The following RYR1 variants were observed in gnomAD, a reference collection of about 807,000 sequenced individuals.
The protein encoded by RYR1 is ryanodine receptor 1, also known as central core disease of muscle.
RYR1 carries 342 observed loss-of-function variants against 583.5 expected under a neutral mutation model. The ratio of observed to expected loss-of-function variants is 0.59; its 90% CI spans 0.54 to 0.64. The LOEUF (loss-of-function observed/expected upper bound fraction) is 0.64. Among genes scored for constraint, RYR1 ranks in the 30% least tolerant of loss-of-function variants. The probability of loss-of-function intolerance (pLI) is 0.00; values close to 1 mark genes in which losing one functional copy is unlikely to be tolerated. For synonymous variants in RYR1, 2,791 were observed against 2,822.5 expected (o/e 0.99, Z 0.35); for missense variants, 6,032 against 6,917.2 (o/e 0.87, Z 4.54).
In RYR1 at chr19:38,445,519, G is replaced by A. The variant is rs138880153; in HGVS notation, c.631+842G>A. Among the ~76,000 whole-genome samples, 238 of 152,046 alleles carry A rather than the reference G, an allele frequency of 1.6e-3. 2 individuals carry two copies. Among genetic ancestry groups the A allele is most frequent in the Admixed American group, 1.4e-3 (22 of 15,236 alleles). On this transcript the variant is annotated intron_variant, in intron 7 of 105. Transcript: ENST00000359596. ...AGAGTCCTAAACCAGACCCACGCTGGGACTCAAACCACAGATGGTTTTTGA... is the reference window on the plus strand; with the variant it reads ...AGAGTCCTAAACCAGACCCACGCTGAGACTCAAACCACAGATGGTTTTTGA...
intron 31 of RYR1, among the ~76,000 whole-genome samples, chr19:38,482,622 TTA>T (rs973623244): frequency 4.6e-5 from 7 of 152,136 alleles, no homozygotes; most frequent in African/African-American, 1.4e-4. Context: ...CGCTAATTTT[TTA>T]TGTTTTGTAG....
chr19:38,575,039 CA>C (rs35261562), intron 96 of RYR1, among the ~76,000 whole-genome samples: 32,884 of 90,334 alleles, frequency 0.36, 3,627 homozygotes, highest in South Asian at 0.51. Flanking sequence ...GACTCCGTCT[CA>C]AAAAAAAAAA....
intron 83 of RYR1, 99 bp downstream of exon 83, chr19:38,536,866 G>A: frequency 2.3e-6 from 3 of 1,306,838 alleles, no homozygotes; most frequent in Non-Finnish European, 3.3e-6. Flanking sequence ...GGGACGTGGA[G>A]GGGAGGGAGG....
chr19:38,578,963 A>G (rs1175072946), intron 99 of RYR1, among the ~76,000 whole-genome samples: 1 of 151,976 alleles, frequency 6.6e-6, no homozygotes, highest in Non-Finnish European at 1.5e-5. Context: ...TCTACAAACA[A>G]TACAAAAATT....
chr19:38,502,715 T>C lies in RYR1; in HGVS notation c.7823T>C (p.Met2608Thr), dbSNP rs1383973780. 2.7e-6 allele frequency: 4 copies of C among 1,505,344 alleles called. No individual in the cohort carries two copies. The highest frequency in any genetic ancestry group is 2.2e-5 in the South Asian group (2 of 89,406). The allele number at this position is 1,505,344 out of a possible 1,614,324, so 93.2% of individuals were successfully genotyped here. Residue 2608 changes from methionine to threonine, a missense_variant, in exon 48 of 106, where the codon ATG becomes ACG. By Grantham distance (81) the Met-to-Thr change is moderately conservative. Transcript: ENST00000359596. ...AQRDVIEDCL[M>T]SLCRYIRPSM... ...CGTGACGTCATCGAGGACTGCCTCATGTCGCTCTGCAGGTGGAGCGGGGCA... is the reference window on the plus strand; with the variant it reads ...CGTGACGTCATCGAGGACTGCCTCACGTCGCTCTGCAGGTGGAGCGGGGCA...
intron 99 of RYR1, among the ~76,000 whole-genome samples, chr19:38,578,636 A>C (rs1974064173): frequency 6.6e-6 from 1 of 152,064 alleles, no homozygotes; most frequent in South Asian, 2.1e-4. Flanking sequence ...AGTTCAAGAC[A>C]AACCTGGCAC....
chr19:38,460,327 T>A, intron 19 of RYR1, 48 bp from the exon 20 acceptor site: 2 of 1,538,764 alleles, frequency 1.3e-6, no homozygotes, highest in African/African-American at 2.7e-5. Context: ...CCACAGACTG[T>A]CCCCCATAAC....
At chr19:38,440,204 A>T (rs1195877777) in intron 1 of RYR1, among the ~76,000 whole-genome samples, 1 of 152,194 alleles carries the variant, frequency 6.6e-6, no homozygotes, top group Non-Finnish European at 1.5e-5. Context: ...AGGCAACAGG[A>T]TTGCTTGAGT....
chr19:38,457,494 T>G lies in RYR1; in HGVS notation c.1792-3T>G, dbSNP rs1436410184. 1 of 1,614,134 alleles carries G rather than the reference T, an allele frequency of 6.2e-7. No homozygotes were observed. Among genetic ancestry groups the G allele is most frequent in the Non-Finnish European group, 8.5e-7 (1 of 1,179,994 alleles). On this transcript the variant is annotated splice_region_variant and splice_polypyrimidine_tract_variant and intron_variant, in intron 16 of 105. Coordinates refer to ENST00000359596, the MANE Select transcript of RYR1 (RefSeq NM_000540.3). ...CCCTTTAACCTCTGACCTTGACCTCTAGGTCCTGGACGTGCTATGCTCCCT... is the reference window on the plus strand; with the variant it reads ...CCCTTTAACCTCTGACCTTGACCTCGAGGTCCTGGACGTGCTATGCTCCCT...
Position 38,502,843 on chromosome 19 carries a change from G to C in RYR1, c.7836-37G>C, listed in dbSNP as rs577544800. 2.1e-4 allele frequency: 328 copies of C among 1,597,946 alleles called. 1 individual carries two copies. In the South Asian group the frequency reaches 3.5e-3, roughly 17 times the overall value. ...GGGGCAGGGGCAGCAGAGCGGGCCTGGACGGGGGATTCTACATCTTGTGCA... is the reference window on the plus strand; with the variant it reads ...GGGGCAGGGGCAGCAGAGCGGGCCTCGACGGGGGATTCTACATCTTGTGCA... On this transcript the variant is annotated intron_variant, in intron 48 of 105. Coordinates refer to ENST00000359596, the MANE Select transcript of RYR1 (RefSeq NM_000540.3).
intron 25 of RYR1, among the ~76,000 whole-genome samples, chr19:38,468,246 C>A (rs1968231207): frequency 6.6e-6 from 1 of 151,954 alleles, no homozygotes; most frequent in African/African-American, 2.4e-5. Flanking sequence ...CATCATCTAT[C>A]CATCTGACCA....
At chr19:38,530,983 TTC>T (rs779633741) in intron 76 of RYR1, among the ~76,000 whole-genome samples, 2 of 141,214 alleles carry the variant, frequency 1.4e-5, no homozygotes, top group African/African-American at 5.4e-5. Flanking sequence ...TCTTTTTTCT[TTC>T]TCTTTTTTTT....
At chr19:38,482,968 G>C in intron 31 of RYR1, 59 bp from the exon 32 acceptor site, 1 of 1,460,128 alleles carries the variant, frequency 6.8e-7, no homozygotes, top group Non-Finnish European at 9.6e-7. Context: ...TTGAGGTCCA[G>C]AGTCAACCCT....
chr19:38,587,161 GAGGTGGAGAAT>G (rs1974530688), intron 105 of RYR1, among the ~76,000 whole-genome samples, 153 bp from the exon 106 acceptor site: 1 of 152,036 alleles, frequency 6.6e-6, no homozygotes, highest in Non-Finnish European at 1.5e-5. Flanking sequence ...TCTGGAGACT[GAGGTGGAGAAT>G]CGCTTGAGCC....
intron 105 of RYR1, among the ~76,000 whole-genome samples, chr19:38,587,037 A>G (rs890113723): frequency 5.9e-5 from 9 of 152,124 alleles, no homozygotes; most frequent in Non-Finnish European, 1.2e-4. Flanking sequence ...GGGAGGCCAC[A>G]GCGGGAGAAT....
At chr19:38,545,135 C>T (rs1392202482) in intron 87 of RYR1, among the ~76,000 whole-genome samples, 1 of 152,052 alleles carries the variant, frequency 6.6e-6, no homozygotes, top group Non-Finnish European at 1.5e-5. Flanking sequence ...CCTCCCTGAA[C>T]CAATCATCAT....
chr19:38,549,038 T>C (rs1568563737), intron 89 of RYR1, among the ~76,000 whole-genome samples: 1 of 152,198 alleles, frequency 6.6e-6, no homozygotes, highest in Non-Finnish European at 1.5e-5. Flanking sequence ...GTAGGGCCTG[T>C]AGTGACACTA....
In RYR1 at chr19:38,587,442, A is replaced by AC. The variant is rs764951357; in HGVS notation, c.*27dup. The AC allele has an allele frequency of 6.3e-7, 1 of 1,577,494 alleles. No homozygotes were observed. The highest frequency in any genetic ancestry group is 8.7e-7 in the Non-Finnish European group (1 of 1,147,650). On this transcript the variant is annotated 3_prime_UTR_variant, in exon 106 of 106. Transcript: ENST00000359596. ...CTGACACACCCCCAGCTGGCCCTCC[A>AC]CCCCCACCTCAAGTGCCTTATTCTC...
At chr19:38,521,801 G>A (rs1472527827) in intron 67 of RYR1, among the ~76,000 whole-genome samples, 1 of 145,922 alleles carries the variant, frequency 6.9e-6, no homozygotes, top group Non-Finnish European at 1.5e-5. Flanking sequence ...CCACCTCCCG[G>A]GTTCACGCCA....
Sources: gnomAD v4.1 joint callset for allele counts (sites outside exome capture counted in the v4.1 genomes callset) on GRCh38, gnomAD v4.1.1 for gene constraint, MANE v1.5 for transcripts, NCBI Gene and HGNC (gene_info 2026-07-23, HGNC 2026-07-21) for gene names.